Variants in NIBAN3 observed in about 807,000 individuals in gnomAD.
NIBAN3 encodes the protein protein Niban 3.
A neutral mutation model predicts 76.4 loss-of-function variants in NIBAN3; 66 were observed. That is an observed-to-expected ratio of 0.86 (90% CI 0.71 to 1.06). NIBAN3 has a LOEUF of 1.06. Among genes scored for constraint, NIBAN3 ranks in the 50% least tolerant of loss-of-function variants. The probability of loss-of-function intolerance (pLI) is 0.00; values close to 1 mark genes in which losing one functional copy is unlikely to be tolerated. For missense variants in NIBAN3, 808 were observed against 810.7 expected (o/e 1.00, Z 0.04); for synonymous variants, 360 against 355.2 (o/e 1.01, Z -0.15).
rs981510403 is a variant in NIBAN3 at position 17,527,404 on chromosome 19, C to T, written c.55+9C>T. On this transcript the variant is annotated intron_variant, in intron 1 of 14. Transcript: ENST00000599164. ...GCGGCAGCACCTAAGGGGTGAGCAG[C>T]CGGGGAGGGGACAGGGTGGGAGTCC... is the stretch of plus-strand genomic sequence containing the variant. 34 of 1,516,570 alleles carry T rather than the reference C, an allele frequency of 2.2e-5. No homozygotes were observed. Among genetic ancestry groups the T allele is most frequent in the Middle Eastern group, 2.1e-4 (1 of 4,764 alleles). The allele number at this position is 1,516,570 out of a possible 1,614,324, so 93.9% of individuals were successfully genotyped here.
intron 1 of NIBAN3, 100 bp from the exon 2 acceptor site, chr19:17,530,655 C>T (rs2075703409): frequency 1.7e-6 from 2 of 1,160,498 alleles, no homozygotes; most frequent in Non-Finnish European, 2.3e-6. Context: ...AGGATGACTA[C>T]AGGAGCCCCC....
Position 17,537,385 on chromosome 19 carries a change from C to T in NIBAN3, c.437C>T (p.Thr146Ile), listed in dbSNP as rs1459668474. 3 of 1,613,426 alleles carry T rather than the reference C, an allele frequency of 1.9e-6. No individual in the cohort carries two copies. The highest frequency in any genetic ancestry group is 1.7e-5 in the Admixed American group (1 of 59,810). The stretch of plus-strand genomic sequence containing the variant: ...TCCTGTTTGTTTTCAGGAGACCATA[C>T]TCAGGAAGAGCCTGACTCCCTCTTG... Reference protein sequence around the residue: ...ALCPESLGDHTQEEPDSLLEV... With the variant: ...ALCPESLGDHIQEEPDSLLEV... Residue 146 changes from threonine (T) to isoleucine (I), a missense_variant, in exon 5 of 15, where the codon ACT becomes ATT. Thr to Ile is a moderately conservative substitution (Grantham distance 89). Transcript: ENST00000599164.
chr19:17,524,380 G>A (rs2075585549), upstream of NIBAN3, among the ~76,000 whole-genome samples: 1 of 152,006 alleles, frequency 6.6e-6, no homozygotes. Context: ...CCGCCTCCTG[G>A]GTTCAAGTGA....
intron 9 of NIBAN3, among the ~76,000 whole-genome samples, chr19:17,541,623 T>A (rs927565607): frequency 6.6e-6 from 1 of 152,136 alleles, no homozygotes; most frequent in African/African-American, 2.4e-5. Flanking sequence ...TTTATGTCCA[T>A]GACACCGTGC....
intron 9 of NIBAN3, among the ~76,000 whole-genome samples, chr19:17,541,504 A>C (rs2075951438): frequency 6.6e-6 from 1 of 152,154 alleles, no homozygotes; most frequent in African/African-American, 2.4e-5. Flanking sequence ...CCCAGGGCCC[A>C]GCACAGACAG....
chr19:17,549,441 C>A lies in NIBAN3; in HGVS notation c.1667-3C>A. The A allele has an allele frequency of 3.1e-6, 5 of 1,609,736 alleles. No homozygotes were observed. On this transcript the variant is annotated splice_region_variant and splice_polypyrimidine_tract_variant and intron_variant, in intron 13 of 14. Transcript: ENST00000599164. ...GTGTGTCCAAGAGTTCATCTCATTT[C>A]AGAATTGAAAAAGACCCTTGGTGCC...
At chr19:17,529,715 G>T (rs574177143) in intron 1 of NIBAN3, among the ~76,000 whole-genome samples, 11 of 152,290 alleles carry the variant, frequency 7.2e-5, no homozygotes, top group Admixed American at 5.2e-4. Flanking sequence ...TGTGGTGAGG[G>T]TTTCACGGAT....
chr19:17,532,096 C>T (rs1484321949), intron 2 of NIBAN3, among the ~76,000 whole-genome samples, 167 bp from the exon 3 acceptor site: 1 of 152,180 alleles, frequency 6.6e-6, no homozygotes, highest in Non-Finnish European at 1.5e-5. Context: ...CGGGGGGCTC[C>T]AGGAGCTGTG....
At chr19:17,524,756 T>G (rs373504519), upstream of NIBAN3, among the ~76,000 whole-genome samples, 4 of 152,354 alleles carry the variant, frequency 2.6e-5, no homozygotes, top group Middle Eastern at 3.4e-3. Context: ...CCCCAGCTCC[T>G]TCTACATCAT....
Position 17,543,374 on chromosome 19 carries a change from G to C in NIBAN3, c.1387G>C (p.Ala463Pro). The change falls in exon 11 of 15, where the codon GCC becomes CCC. Residue 463 changes from alanine to proline, a missense_variant. Coordinates refer to ENST00000599164, the MANE Select transcript of NIBAN3 (RefSeq NM_001321827.2). ...LQLADQCLTT[A>P]LNCDQAAQRL... is the part of the protein sequence containing the mutation. ...GCTGGCTGACCAGTGTCTGACGACG[G>C]CCCTCAACTGTGACCAGGCTGCCCA... 1 of 1,603,724 alleles carries C rather than the reference G, an allele frequency of 6.2e-7. No individual in the cohort carries two copies. Among genetic ancestry groups the C allele is most frequent in the South Asian group, 1.1e-5 (1 of 90,232 alleles).
upstream of NIBAN3, chr19:17,523,510 T>C: frequency 1.3e-6 from 2 of 1,503,812 alleles, no homozygotes; most frequent in South Asian, 2.4e-5. Context: ...TGGGGCTGGT[T>C]GAGGGCAGGA....
rs1035172913 is a variant in NIBAN3, at chr19:17,552,210, C to G, written c.*312C>G. ...TCTCCTGCCTCAGCCTCCCGAGTAG[C>G]TGAGATTTCAGGCACCCGCCACCAT... On this transcript the variant is annotated 3_prime_UTR_variant, in exon 15 of 15. Coordinates refer to ENST00000599164, the MANE Select transcript of NIBAN3 (RefSeq NM_001321827.2). 5.7e-5 allele frequency: 10 copies of G among 175,060 alleles called. No individual in the cohort carries two copies. Among genetic ancestry groups the G allele is most frequent in the Non-Finnish European group, 9.6e-5 (8 of 83,154 alleles). The allele number at this position is 175,060 out of a possible 1,614,324, so 10.8% of individuals were successfully genotyped here. A position where few individuals can be genotyped will look rare whatever the true frequency, so the allele number is the denominator to read the frequency against.
At chr19:17,535,604 C>G (rs141978958) in intron 4 of NIBAN3, among the ~76,000 whole-genome samples, 2 of 152,000 alleles carry the variant, frequency 1.3e-5, no homozygotes, top group African/African-American at 4.8e-5. Flanking sequence ...AAAAATTAGC[C>G]GAGCGTGGTG....
In NIBAN3 at chr19:17,545,182, T is replaced by A. The variant is rs768484934; in HGVS notation, c.1555-1504T>A. 4 of 144,414 alleles carry A rather than the reference T, an allele frequency of 2.8e-5. No individual in the cohort carries two copies. In the South Asian group the frequency reaches 8.4e-4, roughly 30 times the overall value. The allele number at this position is 144,414 out of a possible 1,614,324, so 8.9% of individuals were successfully genotyped here. A position where few individuals can be genotyped will look rare whatever the true frequency, so the allele number is the denominator to read the frequency against. ...TTTTATTTATTTTATTTTATTTTAT[T>A]TTATTTTATTTTATTTTATTTTATT... is the stretch of plus-strand genomic sequence containing the variant. On this transcript the variant is annotated intron_variant, in intron 12 of 14. Transcript: ENST00000599164.
At chr19:17,555,484 C>T (rs1012653449), downstream of NIBAN3, 3 of 270,712 alleles carry the variant, frequency 1.1e-5, no homozygotes, top group Non-Finnish European at 1.9e-5. Flanking sequence ...GCGCTCCGAG[C>T]GCTATGTGCC....
At chr19:17,525,952 A>C (rs1046219677), upstream of NIBAN3, among the ~76,000 whole-genome samples, 1 of 152,020 alleles carries the variant, frequency 6.6e-6, no homozygotes, top group African/African-American at 2.4e-5. Context: ...AAAACAAAAC[A>C]AAATTAGCCA....
intron 2 of NIBAN3, 61 bp from the exon 3 acceptor site, chr19:17,532,202 G>A (rs771749453): frequency 6.5e-7 from 1 of 1,549,378 alleles, no homozygotes; most frequent in Non-Finnish European, 8.7e-7. Context: ...TGTCTGGGTG[G>A]TCGGGCCACA....
chr19:17,551,570 G>C (rs1052760483), intron 14 of NIBAN3, among the ~76,000 whole-genome samples: 2 of 151,888 alleles, frequency 1.3e-5, no homozygotes, highest in African/African-American at 4.8e-5. Context: ...ACCATGCCCA[G>C]CTAATTTTTG....
chr19:17,539,651 C>G lies in NIBAN3; in HGVS notation c.865C>G (p.Leu289Val), dbSNP rs1369570805. The G allele has an allele frequency of 6.4e-7, 1 of 1,568,474 alleles. No homozygotes were observed. The highest frequency in any genetic ancestry group is 8.6e-7 in the Non-Finnish European group (1 of 1,156,464). ...AAVLAGASAG[L>V]CAFQPEKDEL... ...TGTCCTGGCCGGGGCCTCCGCCGGGCTCTGCGCCTTCCAGCCCGAAAAGGA... is the reference window on the plus strand; with the variant it reads ...TGTCCTGGCCGGGGCCTCCGCCGGGGTCTGCGCCTTCCAGCCCGAAAAGGA... Residue 289 changes from leucine to valine, a missense_variant, in exon 8 of 15, where the codon CTC becomes GTC. Coordinates refer to ENST00000599164, the MANE Select transcript of NIBAN3 (RefSeq NM_001321827.2).
Sources: allele counts gnomAD v4.1 joint callset (sites outside exome capture counted in the v4.1 genomes callset), GRCh38; gene constraint gnomAD v4.1.1; transcripts MANE v1.5; gene names NCBI Gene and HGNC (gene_info 2026-07-23, HGNC 2026-07-21).